MAK: variants seen among roughly 807,000 people sequenced by gnomAD.
The protein encoded by MAK is male germ cell associated kinase.
In MAK, 65 loss-of-function variants were observed where a neutral mutation model predicts 82.6. The observed-to-expected ratio is 0.79, with a 90% confidence interval of 0.64 to 0.97. MAK has a LOEUF of 0.97. Among genes scored for constraint, MAK ranks in the 50% least tolerant of loss-of-function variants. The pLI is 0.00. For missense variants in MAK, 703 were observed against 780.2 expected (o/e 0.90, Z 1.18); for synonymous variants, 250 against 274.2 (o/e 0.91, Z 0.87).
chr6:10,807,884 A>G (rs1158380177), intron 6 of MAK, among the ~76,000 whole-genome samples: 2 of 151,892 alleles, frequency 1.3e-5, no homozygotes, highest in African/African-American at 4.8e-5. Flanking sequence ...CCTGGCTAAC[A>G]CGGTGAAACC....
chr6:10,833,324 G>A (rs538735611), intron 1 of MAK, among the ~76,000 whole-genome samples: 5 of 152,164 alleles, frequency 3.3e-5, no homozygotes, highest in African/African-American at 1.2e-4. Context: ...CGGAGTGTGG[G>A]CTGGGCGCCC....
intron 1 of MAK, among the ~76,000 whole-genome samples, chr6:10,834,372 G>A (rs1342433232): frequency 6.6e-6 from 1 of 152,184 alleles, no homozygotes; most frequent in Non-Finnish European, 1.5e-5. Context: ...CAACGATGGA[G>A]TCAATCCAAT....
At chr6:10,788,075 C>T (rs1306654622) in intron 10 of MAK, among the ~76,000 whole-genome samples, 2 of 151,530 alleles carry the variant, frequency 1.3e-5, no homozygotes, top group African/African-American at 2.4e-5. Context: ...TGCAGTGGCT[C>T]GGCCTTCCAA....
intron 14 of MAK, among the ~76,000 whole-genome samples, chr6:10,766,514 A>G (rs11962499): frequency 0.015 from 2,225 of 152,312 alleles, 62 homozygotes; most frequent in African/African-American, 0.051. Context: ...AAAGCTATCT[A>G]ACAAAGTCAG....
intron 2 of MAK, among the ~76,000 whole-genome samples, chr6:10,826,906 G>A (rs1055248401): frequency 6.6e-6 from 1 of 152,170 alleles, no homozygotes; most frequent in African/African-American, 2.4e-5. Flanking sequence ...GAGGTCGGGA[G>A]TTCGAGACCA....
At chr6:10,821,100 C>T (rs1304173092) in intron 2 of MAK, among the ~76,000 whole-genome samples, 1 of 151,994 alleles carries the variant, frequency 6.6e-6, no homozygotes, top group African/African-American at 2.4e-5. Context: ...AGGTACATGC[C>T]ACCACGCCCA....
chr6:10,800,732 G>A lies in MAK; in HGVS notation c.831+1160C>T, dbSNP rs565283778. 2.0e-5 allele frequency among the ~76,000 whole-genome samples: 3 copies of A among 152,064 alleles called. No homozygotes were observed. The highest frequency in any genetic ancestry group is 4.8e-5 in the African/African-American group (2 of 41,470). ...CTCATGCCTGTAATCTCAGCTACTC[G>A]GGAGGCTGAGGGTGGGAGAATCACT... is the stretch of plus-strand genomic sequence containing the variant. On this transcript the variant is annotated intron_variant, in intron 8 of 14. Coordinates refer to ENST00000354489, the MANE Select transcript of MAK (RefSeq NM_001242957.3). The surrounding 1 kb of genome is among the most constrained non-coding windows in gnomAD (Gnocchi z 4.2).
intron 2 of MAK, among the ~76,000 whole-genome samples, chr6:10,830,167 G>A (rs944943296): frequency 2.8e-5 from 4 of 140,720 alleles, no homozygotes; most frequent in Admixed American, 2.2e-4. Flanking sequence ...GCGTGTGCAC[G>A]TATATATATA....
rs918306318 is a variant in MAK, at chr6:10,764,068, A to G, written c.*384T>C. 1 of 188,240 alleles carries G rather than the reference A, an allele frequency of 5.3e-6. No homozygotes were observed. The highest frequency in any genetic ancestry group is 1.1e-5 in the Non-Finnish European group (1 of 90,102). 11.7% of individuals were successfully genotyped at this position (188,240 alleles called of 1,614,324 possible). ...CTCTTAAGCCAACCACAGCAAAGTGAAGAACTACTAAACCATTTGGGCACA... is the reference window on the plus strand; with the variant it reads ...CTCTTAAGCCAACCACAGCAAAGTGGAGAACTACTAAACCATTTGGGCACA... On this transcript the variant is annotated 3_prime_UTR_variant, in exon 15 of 15. Transcript: ENST00000354489.
In MAK at chr6:10,796,153, G is replaced by A. The variant is rs774598986; in HGVS notation, c.988C>T (p.Gln330Ter). 1.2e-6 allele frequency: 2 copies of A among 1,614,148 alleles called. No homozygotes were observed. Among genetic ancestry groups the A allele is most frequent in the Non-Finnish European group, 1.7e-6 (2 of 1,180,032 alleles). ...EPKPLPDIID[Q>*]VVGQPQPKTS... The stretch of plus-strand genomic sequence containing the variant: ...TTTGGCTGGGGTTGTCCAACAACCT[G>A]ATCGATTATATCCGGCAGAGGCTTA... The change falls in exon 9 of 15, where the codon CAG (glutamine) becomes TAG (stop). Residue 330 changes from glutamine (Q) to a stop codon, truncating the protein, a stop_gained. Coordinates refer to ENST00000354489, the MANE Select transcript of MAK (RefSeq NM_001242957.3). LOFTEE classifies it high-confidence loss of function.
intron 5 of MAK, among the ~76,000 whole-genome samples, chr6:10,810,283 T>G (rs1035189534): frequency 2.0e-5 from 3 of 151,158 alleles, no homozygotes; most frequent in African/African-American, 7.3e-5. Context: ...AGACTGCAGG[T>G]GATCACTTGA....
chr6:10,808,721 A>G, intron 6 of MAK, 89 bp downstream of exon 6: 2 of 1,267,524 alleles, frequency 1.6e-6, no homozygotes, highest in Non-Finnish European at 2.3e-6. Context: ...AATATTCAAT[A>G]TGGAACTTCC....
At chr6:10,835,222 A>T (rs944168196) in intron 1 of MAK, among the ~76,000 whole-genome samples, 11 of 152,128 alleles carry the variant, frequency 7.2e-5, no homozygotes, top group African/African-American at 2.7e-4. Flanking sequence ...AGCTTTGCAA[A>T]CCCCTGGCCT....
At chr6:10,810,358 T>G (rs1335703652) in intron 5 of MAK, among the ~76,000 whole-genome samples, 1 of 147,862 alleles carries the variant, frequency 6.8e-6, no homozygotes, top group Admixed American at 6.7e-5. Flanking sequence ...TTTTTTTTTT[T>G]TTTTTTGTTT....
chr6:10,814,251 G>A (rs1034491152), intron 4 of MAK, among the ~76,000 whole-genome samples: 8 of 152,092 alleles, frequency 5.3e-5, no homozygotes, highest in African/African-American at 1.7e-4. Context: ...TTACGGGCAT[G>A]AGCCACTGCA....
chr6:10,779,212 A>G (rs1467895080), intron 11 of MAK: 3 of 361,580 alleles, frequency 8.3e-6, no homozygotes, highest in African/African-American at 6.7e-5. Flanking sequence ...TCATGCCCAG[A>G]GTCCCGGCTC....
At chr6:10,780,081 C>G (rs1447861001) in intron 11 of MAK, among the ~76,000 whole-genome samples, 1 of 152,144 alleles carries the variant, frequency 6.6e-6, no homozygotes, top group Non-Finnish European at 1.5e-5. Context: ...CTGAACTGAG[C>G]CTGATTCTAG....
In MAK at chr6:10,762,757, TAAA is replaced by T. The variant is rs1248739750; in HGVS notation, c.*1692_*1694del. ...TTTTTTTTAATGCCTATTCAGAGTT[TAAA>T]AGTGTCCCAGTAACAAAAGACTGCA... On this transcript the variant is annotated 3_prime_UTR_variant, in exon 15 of 15. Transcript: ENST00000354489. 1 of 152,692 alleles carries T rather than the reference TAAA, an allele frequency of 6.5e-6. No homozygotes were observed. The highest frequency in any genetic ancestry group is 2.4e-5 in the African/African-American group (1 of 41,528). The allele number at this position is 152,692 out of a possible 1,614,324, so 9.5% of individuals were successfully genotyped here.
chr6:10,795,626 C>G (rs747490031), intron 9 of MAK, among the ~76,000 whole-genome samples: 28 of 152,022 alleles, frequency 1.8e-4, no homozygotes, highest in Non-Finnish European at 1.2e-4. Context: ...CGTCTGTAAT[C>G]CCAGCTACTT....
Sources: allele counts gnomAD v4.1 joint callset (sites outside exome capture counted in the v4.1 genomes callset), GRCh38; gene constraint gnomAD v4.1.1; non-coding constraint Gnocchi (gnomAD v3.1); transcripts MANE v1.5; gene names NCBI Gene and HGNC (gene_info 2026-07-23, HGNC 2026-07-21).